The following HIVEP2 variants were observed in gnomAD, a reference collection of about 807,000 sequenced individuals.
HIVEP2 encodes HIVEP zinc finger 2.
Under a neutral mutation model 180.7 loss-of-function variants are expected in HIVEP2, and 14 were observed. The ratio of observed to expected loss-of-function variants is 0.08; its 90% confidence interval spans 0.05 to 0.12. The LOEUF is 0.12. Ranked by LOEUF, HIVEP2 falls within the 10% of genes least tolerant of loss-of-function variation. The pLI is 1.00. For synonymous variants in HIVEP2, 1,184 were observed against 1,136.4 expected (o/e 1.04, Z -0.84); for missense variants, 2,579 against 3,008.5 (o/e 0.86, Z 3.34).
At position 142,772,889 on chromosome 6, in the gene HIVEP2, C is replaced by G; in HGVS notation, c.1850G>C (p.Gly617Ala). 6.2e-7 allele frequency: 1 copy of G among 1,614,156 alleles called. No individual in the cohort carries two copies. The change falls in exon 5 of 10, where the codon GGT becomes GCT. Residue 617 changes from glycine (G) to alanine (A), a missense_variant. Gly to Ala is a moderately conservative substitution (Grantham distance 60, BLOSUM62 0). This residue lies in a region of HIVEP2 where 524 missense variants were observed against 563.6 expected (regional missense o/e 0.93). Coordinates refer to ENST00000367603, the MANE Select transcript of HIVEP2 (RefSeq NM_006734.4). The surrounding 1 kb of genome is among the most constrained non-coding windows in gnomAD (Gnocchi z 4.9). ...TTCCTTCAGGGATGAACTGCTGATA[C>G]CCTTCAACATCCTGCCATGGTGCTC... ...EVEHHGRMLK[G>A]ISSSSLKEKK...
At chr6:142,935,819 A>G (rs1361669912) in intron 1 of HIVEP2, among the ~76,000 whole-genome samples, 2 of 152,194 alleles carry the variant, frequency 1.3e-5, no homozygotes, top group Non-Finnish European at 2.9e-5. Flanking sequence ...ATCCTAATCC[A>G]CTAGAAATTT....
At chr6:142,767,397 T>G (rs962475993) in intron 6 of HIVEP2, among the ~76,000 whole-genome samples, 6 of 152,320 alleles carry the variant, frequency 3.9e-5, no homozygotes, top group African/African-American at 1.4e-4. Flanking sequence ...GACAACCAAA[T>G]AGAATAATCC....
At chr6:142,828,824 T>C (rs962124952) in intron 2 of HIVEP2, among the ~76,000 whole-genome samples, 1 of 152,204 alleles carries the variant, frequency 6.6e-6, no homozygotes, top group Non-Finnish European at 1.5e-5. Flanking sequence ...GTCTTGCACA[T>C]GGCTGGCTTT....
rs748069002 is a variant in HIVEP2, at chr6:142,771,543, C to T, written c.3196G>A (p.Ala1066Thr). ...TCCCTGGACGGTGATACCGTGGAGG[C>T]TGCTGCTCCCGACACAGGAGCATGG... ...LSHAPVSGAAASTVSPSRERK... is the reference protein window; with the variant it reads ...LSHAPVSGAATSTVSPSRERK... Residue 1066 changes from alanine (A) to threonine (T), a missense_variant, in exon 5 of 10, where the codon GCC becomes ACC. Ala to Thr is a moderately conservative substitution (Grantham distance 58). Transcript: ENST00000367603. The surrounding 1 kb of genome is among the most constrained non-coding windows in gnomAD (Gnocchi z 5.4). 1 of 1,613,918 alleles carries T rather than the reference C, an allele frequency of 6.2e-7. No homozygotes were observed. Among genetic ancestry groups the T allele is most frequent in the East Asian group, 2.2e-5 (1 of 44,882 alleles).
chr6:142,827,884 T>C (rs1774956303), intron 2 of HIVEP2, among the ~76,000 whole-genome samples: 1 of 152,168 alleles, frequency 6.6e-6, no homozygotes. Context: ...TTATATAAAC[T>C]TTGCCCATTA....
At chr6:142,883,881 T>C (rs965557088) in intron 1 of HIVEP2, among the ~76,000 whole-genome samples, 8 of 152,222 alleles carry the variant, frequency 5.3e-5, no homozygotes, top group African/African-American at 1.9e-4. Context: ...TTTCTTGTCA[T>C]GAGTCATTCT....
intron 1 of HIVEP2, among the ~76,000 whole-genome samples, chr6:142,844,489 T>C (rs1775455409): frequency 6.6e-6 from 1 of 152,216 alleles, no homozygotes; most frequent in Non-Finnish European, 1.5e-5. Flanking sequence ...AAATGGTACT[T>C]GGAAGACTTA....
chr6:142,908,586 T>G (rs1777326121), intron 1 of HIVEP2, among the ~76,000 whole-genome samples: 1 of 152,126 alleles, frequency 6.6e-6, no homozygotes. Flanking sequence ...GACCTTTGAT[T>G]GGTAAGAAAA....
At position 142,773,283 on chromosome 6, in the gene HIVEP2, C is replaced by T. The variant is rs777874962; in HGVS notation, c.1456G>A (p.Asp486Asn). ...TTCAGCATGCTCGTTTGACTGGGGT[C>T]GACATCTCCCTTGCTTGGGATCAGC... is the stretch of plus-strand genomic sequence containing the variant. ...SQLIPSKGDV[D>N]PSQTSMLKST... The change falls in exon 5 of 10, where the codon GAC (aspartate) becomes AAC (asparagine). Residue 486 changes from aspartate to asparagine, a missense_variant. Transcript: ENST00000367603. 2.0e-5 allele frequency: 32 copies of T among 1,613,994 alleles called. No homozygotes were observed. Among genetic ancestry groups the T allele is most frequent in the East Asian group, 2.2e-5 (1 of 44,884 alleles).
intron 2 of HIVEP2, among the ~76,000 whole-genome samples, chr6:142,818,772 AGAAAGAAAGAAAGAAAG>A: frequency 6.7e-6 from 1 of 148,666 alleles, no homozygotes; most frequent in African/African-American, 2.5e-5. Context: ...AAAGAAAGAA[AGAAAGAAAGAAAGAAAG>A]AAAAAGAAAA....
chr6:142,911,983 T>G (rs1291540976), intron 1 of HIVEP2, among the ~76,000 whole-genome samples: 1 of 152,194 alleles, frequency 6.6e-6, no homozygotes. Context: ...CCAATCAAAG[T>G]CTCTGACTTT....
intron 1 of HIVEP2, among the ~76,000 whole-genome samples, chr6:142,907,000 C>G (rs1267187403): frequency 6.6e-6 from 1 of 152,202 alleles, no homozygotes; most frequent in African/African-American, 2.4e-5. Context: ...AATGCATCAA[C>G]CAGTACCTAC....
chr6:142,884,679 AAGG>A (rs1178301534), intron 1 of HIVEP2, among the ~76,000 whole-genome samples: 3 of 152,136 alleles, frequency 2.0e-5, no homozygotes, highest in African/African-American at 4.8e-5. Flanking sequence ...AGAGAAAGAA[AAGG>A]AGGAGTTAGG....
rs575966699 is a variant in HIVEP2 at position 142,919,334 on chromosome 6, C to T, written c.-641+25765G>A. 1.3e-3 allele frequency among the ~76,000 whole-genome samples: 203 copies of T among 152,250 alleles called. 1 individual carries two copies. Among genetic ancestry groups the T allele is most frequent in the African/African-American group, 4.7e-3 (194 of 41,552 alleles). ...CTCTCTTCCTGATAGTTGTTTTCTT[C>T]GCCAGTTTCAGAGCTTTATAGTTTA... On this transcript the variant is annotated intron_variant, in intron 1 of 9. Coordinates refer to ENST00000367603, the MANE Select transcript of HIVEP2 (RefSeq NM_006734.4).
chr6:142,904,705 A>G (rs1166109928), intron 1 of HIVEP2, among the ~76,000 whole-genome samples: 2 of 152,246 alleles, frequency 1.3e-5, no homozygotes, highest in Non-Finnish European at 2.9e-5. Flanking sequence ...GAACAAAGGA[A>G]CATAAGAATA....
intron 1 of HIVEP2, among the ~76,000 whole-genome samples, chr6:142,926,474 G>C (rs1182136159): frequency 6.6e-6 from 1 of 152,248 alleles, no homozygotes; most frequent in African/African-American, 2.4e-5. Context: ...CAGTTAGAGG[G>C]AGAGTTAAAC....
chr6:142,836,198 T>C (rs889637381), intron 2 of HIVEP2, among the ~76,000 whole-genome samples: 1 of 152,148 alleles, frequency 6.6e-6, no homozygotes, highest in African/African-American at 2.4e-5. Context: ...AAAGTATGAG[T>C]TTGCTTGGAT....
At chr6:142,813,850 G>A (rs552530286) in intron 2 of HIVEP2, among the ~76,000 whole-genome samples, 8 of 152,068 alleles carry the variant, frequency 5.3e-5, no homozygotes, top group African/African-American at 1.9e-4. Flanking sequence ...ACAGGCATGA[G>A]CCACCATGCC....
At chr6:142,845,299 C>T (rs994613814) in intron 1 of HIVEP2, among the ~76,000 whole-genome samples, 1 of 152,122 alleles carries the variant, frequency 6.6e-6, no homozygotes, top group Non-Finnish European at 1.5e-5. Flanking sequence ...GTCATAGACA[C>T]TAGAAGCAGA....
Sources: gnomAD v4.1 joint callset for allele counts (sites outside exome capture counted in the v4.1 genomes callset) on GRCh38, gnomAD v4.1.1 for gene constraint, gnomAD v4.1.1 regional missense constraint, Gnocchi (gnomAD v3.1) non-coding constraint, MANE v1.5 for transcripts, NCBI Gene and HGNC (gene_info 2026-07-23, HGNC 2026-07-21) for gene names.